LUZP2: variants seen among roughly 807,000 people sequenced by gnomAD.
LUZP2 encodes the protein leucine zipper protein 2.
Under a neutral mutation model 51.6 loss-of-function variants are expected in LUZP2, and 52 were observed. The ratio of observed to expected loss-of-function variants is 1.01; its 90% CI spans 0.81 to 1.27. LUZP2 has a LOEUF of 1.27. Among genes scored for constraint, LUZP2 ranks in the 50% most tolerant of loss-of-function variants. The pLI, the probability that LUZP2 is intolerant of heterozygous loss-of-function variation, is 0.00. For missense variants in LUZP2, 436 were observed against 395.4 expected, an observed-to-expected ratio of 1.10 and a Z score of -0.87; for synonymous variants, 154 against 137.3, an observed-to-expected ratio of 1.12 and a Z score of -0.85.
At chr11:24,512,753 G>GC (rs1554946017) in intron 1 of LUZP2, among the ~76,000 whole-genome samples, 57 of 140,844 alleles carry the variant, frequency 4.0e-4, no homozygotes, top group Non-Finnish European at 7.5e-4. Context: ...TTTTTTCTTT[G>GC]TTTTTTTTTT....
intron 5 of LUZP2, among the ~76,000 whole-genome samples, chr11:24,764,723 C>T (rs1035541035): frequency 2.0e-5 from 3 of 151,962 alleles, no homozygotes; most frequent in South Asian, 4.2e-4. Context: ...ACCAGGCTGG[C>T]TCATGCCTGT....
At chr11:24,569,159 G>A (rs1008149125) in intron 1 of LUZP2, among the ~76,000 whole-genome samples, 1 of 151,988 alleles carries the variant, frequency 6.6e-6, no homozygotes, top group Non-Finnish European at 1.5e-5. Flanking sequence ...CTTTAAGGGA[G>A]CCTGTTAAAG....
At chr11:24,955,019 T>C in intron 7 of LUZP2, among the ~76,000 whole-genome samples, 1 of 151,958 alleles carries the variant, frequency 6.6e-6, no homozygotes, top group Non-Finnish European at 1.5e-5. Flanking sequence ...TCTCATTCAA[T>C]GAACTATAAA....
At chr11:25,033,761 C>CT (rs1314223754) in intron 9 of LUZP2, among the ~76,000 whole-genome samples, 2 of 152,026 alleles carry the variant, frequency 1.3e-5, no homozygotes, top group African/African-American at 2.4e-5. Flanking sequence ...AACTTTATTT[C>CT]TTTTTTTATG....
chr11:25,011,051 T>A (rs142718889), intron 9 of LUZP2, among the ~76,000 whole-genome samples: 119 of 152,242 alleles, frequency 7.8e-4, no homozygotes, highest in Non-Finnish European at 1.4e-3. Flanking sequence ...AATCCAATAT[T>A]GATGTCATCA....
chr11:24,602,347 T>TAC (rs1853757862), intron 1 of LUZP2, among the ~76,000 whole-genome samples: 1 of 140,656 alleles, frequency 7.1e-6, no homozygotes, highest in Non-Finnish European at 1.5e-5. Context: ...CATATATATG[T>TAC]ATAAATCTCT....
chr11:24,754,220 C>A (rs60593394), intron 4 of LUZP2, among the ~76,000 whole-genome samples: 12,328 of 152,120 alleles, frequency 0.081, 857 homozygotes, highest in East Asian at 0.41. Flanking sequence ...TGGTCTTGAA[C>A]TCCTGGCCTC....
At chr11:24,897,551 C>G (rs907801927) in intron 5 of LUZP2, among the ~76,000 whole-genome samples, 9 of 152,084 alleles carry the variant, frequency 5.9e-5, no homozygotes, top group East Asian at 1.9e-4. Context: ...CCGCGAAGGT[C>G]TGCAGTTTCA....
intron 10 of LUZP2, among the ~76,000 whole-genome samples, chr11:25,064,837 T>A (rs1858952808): frequency 6.6e-6 from 1 of 152,060 alleles, no homozygotes; most frequent in African/African-American, 2.4e-5. Context: ...CTTGAAACAT[T>A]TGATAGTATG....
At chr11:24,835,310 A>G (rs1850831039) in intron 5 of LUZP2, among the ~76,000 whole-genome samples, 1 of 152,178 alleles carries the variant, frequency 6.6e-6, no homozygotes, top group Admixed American at 6.5e-5. Context: ...AAACTAACTC[A>G]AGATAGATTA....
chr11:25,003,723 G>C (rs1436912879), intron 9 of LUZP2, among the ~76,000 whole-genome samples: 1 of 152,088 alleles, frequency 6.6e-6, no homozygotes, highest in Non-Finnish European at 1.5e-5. Context: ...GGCATTTTTT[G>C]CCCTTCCAAA....
At chr11:24,802,896 C>G (rs568705181) in intron 5 of LUZP2, among the ~76,000 whole-genome samples, 2 of 152,104 alleles carry the variant, frequency 1.3e-5, no homozygotes, top group Admixed American at 1.3e-4. Context: ...AGAGAGCATC[C>G]TCATCCTTTC....
At position 24,526,410 on chromosome 11, in the gene LUZP2, G is replaced by A. The variant is rs1344644737; in HGVS notation, c.62+29105G>A. Among the ~76,000 whole-genome samples, 4 of 150,532 alleles carry A rather than the reference G, an allele frequency of 2.7e-5. No homozygotes were observed. The South Asian group carries it at 8.3e-4, about 31-fold the overall frequency. Reference sequence around the variant, plus strand: ...TGGCACAGTTAATGATTAAAGTACAGGATTAAACTTTGGATTTGGGATACA... The same window carrying A: ...TGGCACAGTTAATGATTAAAGTACAAGATTAAACTTTGGATTTGGGATACA... On this transcript the variant is annotated intron_variant, in intron 1 of 11. Transcript: ENST00000336930.
chr11:24,528,864 C>T (rs1850902542), intron 1 of LUZP2, among the ~76,000 whole-genome samples: 1 of 151,100 alleles, frequency 6.6e-6, no homozygotes, highest in Non-Finnish European at 1.5e-5. Context: ...GTATAAAATC[C>T]TGAAAGATAG....
At chr11:24,962,116 T>A (rs1855427809) in intron 7 of LUZP2, among the ~76,000 whole-genome samples, 1 of 152,164 alleles carries the variant, frequency 6.6e-6, no homozygotes, top group African/African-American at 2.4e-5. Context: ...CTGAGAGATC[T>A]CCTGTTAGTC....
At chr11:24,856,249 A>G (rs914776818) in intron 5 of LUZP2, among the ~76,000 whole-genome samples, 1 of 151,910 alleles carries the variant, frequency 6.6e-6, no homozygotes. Context: ...AACAACAAGA[A>G]ACAACTCCAT....
intron 9 of LUZP2, among the ~76,000 whole-genome samples, chr11:24,994,300 A>T (rs761950303): frequency 6.6e-6 from 1 of 151,442 alleles, no homozygotes; most frequent in African/African-American, 2.4e-5. Context: ...ATTTAATTTG[A>T]GTTTACTTCT....
chr11:24,935,385 A>G (rs981811256), intron 7 of LUZP2, among the ~76,000 whole-genome samples: 1 of 152,188 alleles, frequency 6.6e-6, no homozygotes, highest in Non-Finnish European at 1.5e-5. Flanking sequence ...TTCTTTAAAT[A>G]CTAAATGCTT....
At chr11:24,814,861 G>A (rs908679795) in intron 5 of LUZP2, among the ~76,000 whole-genome samples, 1 of 152,012 alleles carries the variant, frequency 6.6e-6, no homozygotes, top group Admixed American at 6.6e-5. Context: ...GCGTGGCGGT[G>A]TGCGCCTGTA....
Sources: allele counts gnomAD v4.1 joint callset (sites outside exome capture counted in the v4.1 genomes callset), GRCh38; gene constraint gnomAD v4.1.1; transcripts MANE v1.5; gene names NCBI Gene and HGNC (gene_info 2026-07-23, HGNC 2026-07-21).